The following TTLL11 variants were observed in gnomAD, a reference collection of about 807,000 sequenced individuals.
The protein encoded by TTLL11 is tubulin polyglutamylase TTLL11.
TTLL11 carries 42 observed loss-of-function variants against 51.7 expected under a neutral mutation model. That is an observed-to-expected ratio of 0.81 (90% CI 0.64 to 1.05). The LOEUF (loss-of-function observed/expected upper bound fraction) is 1.05. TTLL11 is among the 50% of genes least tolerant of loss of function. TTLL11 has a pLI of 0.00. For missense variants in TTLL11, 799 were observed against 940.4 expected (o/e 0.85, Z 1.97); for synonymous variants, 381 against 383.5 (o/e 0.99, Z 0.08).
chr9:121,861,342 G>A (rs1217979737), intron 7 of TTLL11, among the ~76,000 whole-genome samples: 1 of 152,202 alleles, frequency 6.6e-6, no homozygotes, highest in Non-Finnish European at 1.5e-5. Flanking sequence ...CTCCCCAAGT[G>A]CTGGGATTAC....
intron 2 of TTLL11, 108 bp downstream of exon 2, chr9:122,039,164 A>G (rs557786051): frequency 3.8e-4 from 344 of 894,426 alleles, no homozygotes; most frequent in Middle Eastern, 3.0e-3. Flanking sequence ...TTCCCAATTA[A>G]GAGTCCTCAA....
intron 8 of TTLL11, among the ~76,000 whole-genome samples, chr9:121,835,348 C>T (rs1588057294): frequency 6.6e-6 from 1 of 152,128 alleles, no homozygotes; most frequent in African/African-American, 2.4e-5. Flanking sequence ...TCACACTCCA[C>T]CTGCCCAAGG....
chr9:121,949,119 T>C (rs1020253302), intron 6 of TTLL11, among the ~76,000 whole-genome samples: 1 of 152,126 alleles, frequency 6.6e-6, no homozygotes, highest in Non-Finnish European at 1.5e-5. Flanking sequence ...TCTCACAAGA[T>C]TGTGTCTATG....
At chr9:121,985,513 C>CTTTTTTTT (rs71371908) in intron 4 of TTLL11, among the ~76,000 whole-genome samples, 11 of 97,272 alleles carry the variant, frequency 1.1e-4, no homozygotes, top group African/African-American at 3.1e-4. Context: ...ATTTTCTTTT[C>CTTTTTTTT]TTTTTTTTTT....
chr9:121,855,017 A>G (rs1837772171), intron 8 of TTLL11, among the ~76,000 whole-genome samples: 1 of 152,238 alleles, frequency 6.6e-6, no homozygotes, highest in Non-Finnish European at 1.5e-5. Flanking sequence ...AGCCATTGAC[A>G]TTCTGACAGA....
chr9:121,867,649 G>GA (rs35176859), intron 7 of TTLL11, among the ~76,000 whole-genome samples: 17,830 of 152,044 alleles, frequency 0.12, 1,094 homozygotes, highest in Admixed American at 0.14. Flanking sequence ...CTGCTGCCTG[G>GA]AAAAATCCTG....
rs574877886 is a variant in TTLL11, at chr9:121,920,309, T to A, written c.1482-49561A>T. ...AAGGTGAGACTCTGTTTAAAAAAAATTTTTTTTTATAAATTCAATGTTTCT... is the reference window on the plus strand; with the variant it reads ...AAGGTGAGACTCTGTTTAAAAAAAAATTTTTTTTATAAATTCAATGTTTCT... On this transcript the variant is annotated intron_variant, in intron 6 of 8. Transcript: ENST00000321582. 2.8e-3 allele frequency among the ~76,000 whole-genome samples: 419 copies of A among 151,936 alleles called. 1 individual carries two copies. Among genetic ancestry groups the A allele is most frequent in the Middle Eastern group, 6.8e-3 (2 of 294 alleles).
chr9:122,016,324 T>C (rs1400821614), intron 3 of TTLL11, among the ~76,000 whole-genome samples: 1 of 152,182 alleles, frequency 6.6e-6, no homozygotes, highest in African/African-American at 2.4e-5. Context: ...GGGACAAGCG[T>C]AGCTGCCGAG....
chr9:121,935,882 T>C (rs1443232708), intron 6 of TTLL11, among the ~76,000 whole-genome samples: 1 of 152,150 alleles, frequency 6.6e-6, no homozygotes, highest in East Asian at 1.9e-4. Context: ...CCTCGCTCGG[T>C]GAACGCCAGC....
intron 8 of TTLL11, among the ~76,000 whole-genome samples, chr9:121,835,288 A>G (rs1027870949): frequency 6.6e-6 from 1 of 152,150 alleles, no homozygotes; most frequent in Non-Finnish European, 1.5e-5. Flanking sequence ...CAATACTCAC[A>G]TTGTTAGAGA....
intron 8 of TTLL11, among the ~76,000 whole-genome samples, chr9:121,837,826 T>C (rs1837223179): frequency 6.6e-6 from 1 of 152,100 alleles, no homozygotes; most frequent in Non-Finnish European, 1.5e-5. Flanking sequence ...TACCTTCCAC[T>C]CCCATGTCAG....
chr9:122,014,472 TCCACCTTC>T (rs898621118), intron 3 of TTLL11, among the ~76,000 whole-genome samples: 1 of 152,230 alleles, frequency 6.6e-6, no homozygotes, highest in African/African-American at 2.4e-5. Flanking sequence ...TCCTGACTTC[TCCACCTTC>T]CCACCTTCCC....
chr9:121,985,549 C>T (rs1365134547), intron 4 of TTLL11, among the ~76,000 whole-genome samples: 12 of 134,846 alleles, frequency 8.9e-5, no homozygotes, highest in African/African-American at 2.9e-4. Flanking sequence ...CTGAGTCTCG[C>T]TCTGTCACCC....
intron 6 of TTLL11, among the ~76,000 whole-genome samples, chr9:121,908,163 A>T (rs1461880291): frequency 6.6e-6 from 1 of 152,214 alleles, no homozygotes; most frequent in Non-Finnish European, 1.5e-5. Context: ...GGTGGGTAGA[A>T]GACTGAGCAA....
intron 6 of TTLL11, among the ~76,000 whole-genome samples, chr9:121,931,269 A>G (rs1840957442): frequency 6.6e-6 from 1 of 152,244 alleles, no homozygotes; most frequent in South Asian, 2.1e-4. Context: ...AGGCCACCCT[A>G]CGTCCTCAGA....
intron 6 of TTLL11, 70 bp from the exon 7 acceptor site, chr9:121,870,818 C>A (rs1564281512): frequency 6.9e-7 from 1 of 1,445,344 alleles, no homozygotes; most frequent in African/African-American, 1.4e-5. Flanking sequence ...AGATTTACAG[C>A]CTCCTCGGGA....
At chr9:121,868,699 T>A (rs534042484) in intron 7 of TTLL11, among the ~76,000 whole-genome samples, 2 of 152,350 alleles carry the variant, frequency 1.3e-5, no homozygotes, top group South Asian at 4.1e-4. Flanking sequence ...GTTCCTGTTA[T>A]ATGAAAGAAA....
intron 6 of TTLL11, among the ~76,000 whole-genome samples, chr9:121,969,261 C>A (rs970207760): frequency 7.2e-5 from 11 of 152,118 alleles, no homozygotes; most frequent in Admixed American, 6.5e-4. Context: ...GGACTCACCA[C>A]CAGTTGGTGA....
chr9:122,020,721 AC>A (rs1844147768), intron 3 of TTLL11, among the ~76,000 whole-genome samples: 1 of 152,188 alleles, frequency 6.6e-6, no homozygotes, highest in Admixed American at 6.6e-5. Context: ...TGGACCCCAC[AC>A]GATGGGACTA....
Sources: gnomAD v4.1 joint callset for allele counts (sites outside exome capture counted in the v4.1 genomes callset) on GRCh38, gnomAD v4.1.1 for gene constraint, MANE v1.5 for transcripts, NCBI Gene and HGNC (gene_info 2026-07-23, HGNC 2026-07-21) for gene names.